Variants in ABHD15 observed in about 807,000 individuals in gnomAD.
ABHD15 encodes the protein abhydrolase domain containing 15.
ABHD15 carries 34 observed loss-of-function variants against 34.4 expected under a neutral mutation model. The ratio of observed to expected loss-of-function variants is 0.99; its 90% confidence interval spans 0.75 to 1.32. The LOEUF (loss-of-function observed/expected upper bound fraction) is 1.32. Among genes scored for constraint, ABHD15 ranks in the 40% most tolerant of loss-of-function variants. The pLI is 0.00. For missense variants in ABHD15, 644 were observed against 650.4 expected, an observed-to-expected ratio of 0.99 and a Z score of 0.11; for synonymous variants, 314 against 299.2, an observed-to-expected ratio of 1.05 and a Z score of -0.51.
Position 29,566,890 on chromosome 17 carries a change from C to A in ABHD15, c.77G>T (p.Arg26Leu), listed in dbSNP as rs1371885510. 6.0e-6 allele frequency: 9 copies of A among 1,493,892 alleles called. No individual in the cohort carries two copies. The African/African-American group carries it at 1.3e-4, about 22-fold the overall frequency. The allele number at this position is 1,493,892 out of a possible 1,614,324, so 92.5% of individuals were successfully genotyped here. The change falls in exon 1 of 2, where the codon CGG (arginine) becomes CTG (leucine). Residue 26 changes from arginine to leucine, a missense_variant. Arg to Leu is a moderately radical substitution (Grantham distance 102, BLOSUM62 -2). Transcript: ENST00000307201. The part of the protein sequence containing the change: ...ALLGLLGPRL[R>L]GPWGRAVGER... ...TCCGACGGCGCGCCCCCAGGGTCCC[C>A]GGAGCCGCGGGCCGAGCAGGCCGAG...
rs115071434 is a variant in ABHD15, at chr17:29,565,791, G to A, written c.881+295C>T. Among the ~76,000 whole-genome samples, 871 of 152,346 alleles carry A rather than the reference G, an allele frequency of 5.7e-3. 8 individuals are homozygous for A. Among genetic ancestry groups the A allele is most frequent in the African/African-American group, 0.02 (819 of 41,568 alleles). Reference sequence around the variant, plus strand: ...AATGTCAGGTATCTCTGCTGTCGTGGGCCAGGTGCTCAGATTGCTAGGATA... The same window carrying A: ...AATGTCAGGTATCTCTGCTGTCGTGAGCCAGGTGCTCAGATTGCTAGGATA... On this transcript the variant is annotated intron_variant, in intron 1 of 1. Transcript: ENST00000307201.
rs2032640967 is a variant in ABHD15, at chr17:29,562,596, C to T, written c.1372G>A (p.Glu458Lys). The change falls in exon 2 of 2, where the codon GAG becomes AAG. Residue 458 changes from glutamate (E) to lysine (K), a missense_variant. Coordinates refer to ENST00000307201, the MANE Select transcript of ABHD15 (RefSeq NM_198147.3). ...TATGATCGCTTCCAGTTAAAGATCT[C>T]CTCCAGGTTGGAAGAGGAAGAGACT... ...REVSSSSNLE[E>K]IFNWKRSYTR 6.2e-7 allele frequency: 1 copy of T among 1,613,884 alleles called. No individual in the cohort carries two copies. Among genetic ancestry groups the T allele is most frequent in the African/African-American group, 1.3e-5 (1 of 75,024 alleles).
In ABHD15 at chr17:29,566,413, C is replaced by T; in HGVS notation, c.554G>A (p.Gly185Asp). 3 of 1,611,930 alleles carry T rather than the reference C, an allele frequency of 1.9e-6. No individual in the cohort carries two copies. The highest frequency in any genetic ancestry group is 1.7e-6 in the Non-Finnish European group (2 of 1,179,372). Reference sequence around the variant, plus strand: ...GCGATGGAAGATGACCGGGTAGTAGCCGCGCTCCAGGGCGAGCAAGCAAAG... The same window carrying T: ...GCGATGGAAGATGACCGGGTAGTAGTCGCGCTCCAGGGCGAGCAAGCAAAG... ...LGLCLLALER[G>D]YYPVIFHRRG... Residue 185 changes from glycine (G) to aspartate (D), a missense_variant, in exon 1 of 2, where the codon GGC (glycine) becomes GAC (aspartate). Coordinates refer to ENST00000307201, the MANE Select transcript of ABHD15 (RefSeq NM_198147.3).
Position 29,563,081 on chromosome 17 carries a change from G to A in ABHD15, c.887C>T (p.Ala296Val), listed in dbSNP as rs960885801. ...LHQKIALSRY[A>V]TALEDTVDTS... ...GTCCACAGTGTCCTCCAGGGCTGTG[G>A]CATACCTGGCAGCGAGGTGTTTAGT... The change falls in exon 2 of 2, where the codon GCC becomes GTC. Residue 296 changes from alanine (A) to valine (V), a missense_variant. Ala to Val is a moderately conservative substitution (Grantham distance 64, BLOSUM62 0). Transcript: ENST00000307201. 1 of 1,598,752 alleles carries A rather than the reference G, an allele frequency of 6.3e-7. No individual in the cohort carries two copies. The highest frequency in any genetic ancestry group is 8.5e-7 in the Non-Finnish European group (1 of 1,175,710).
rs1284109857 is a variant in ABHD15, at chr17:29,562,593, TCTC to T, written c.1372_1374del (p.Glu458del). 7 of 1,613,542 alleles carry T rather than the reference TCTC, an allele frequency of 4.3e-6. No individual in the cohort carries two copies. Among genetic ancestry groups the T allele is most frequent in the African/African-American group, 1.3e-5 (1 of 74,826 alleles). Reference sequence around the variant, plus strand: ...GTGTATGATCGCTTCCAGTTAAAGATCTCCTCCAGGTTGGAAGAGGAAGAGACT... The same window carrying T: ...GTGTATGATCGCTTCCAGTTAAAGATCTCCAGGTTGGAAGAGGAAGAGACT... On this transcript the variant is annotated inframe_deletion, in exon 2 of 2. Transcript: ENST00000307201.
Position 29,566,739 on chromosome 17 carries a change from C to T in ABHD15, c.228G>A (p.Pro76=). 1 of 1,558,844 alleles carries T rather than the reference C, an allele frequency of 6.4e-7. No homozygotes were observed. Among genetic ancestry groups the T allele is most frequent in the Non-Finnish European group, 8.6e-7 (1 of 1,159,418 alleles). The part of the protein sequence containing the change: ...LPGGCSLVCK[P]SALAQCLLRA... Reference sequence around the variant, plus strand: ...GCAGCAGGCACTGGGCCAGGGCCGACGGCTTGCAAACAAGGCTGCACCCTC... The same window carrying T: ...GCAGCAGGCACTGGGCCAGGGCCGATGGCTTGCAAACAAGGCTGCACCCTC... The change falls in exon 1 of 2, where the codon CCG becomes CCA. Residue 76 remains proline, a synonymous_variant. Transcript: ENST00000307201.
chr17:29,564,578 G>T (rs959234673), intron 1 of ABHD15, among the ~76,000 whole-genome samples: 2 of 152,206 alleles, frequency 1.3e-5, no homozygotes, highest in Non-Finnish European at 2.9e-5. Flanking sequence ...CTCTGACCAG[G>T]CATAGTGGCT....
At position 29,563,074 on chromosome 17, in the gene ABHD15, G is replaced by A; in HGVS notation, c.894C>T (p.Ala298=). 1 of 1,602,944 alleles carries A rather than the reference G, an allele frequency of 6.2e-7. No individual in the cohort carries two copies. Among genetic ancestry groups the A allele is most frequent in the Non-Finnish European group, 8.5e-7 (1 of 1,177,266 alleles). ...TGCTGGTGTCCACAGTGTCCTCCAG[G>A]GCTGTGGCATACCTGGCAGCGAGGT... ...QKIALSRYAT[A]LEDTVDTSRL... The change falls in exon 2 of 2, where the codon GCC becomes GCT. Residue 298 remains alanine, a synonymous_variant. Transcript: ENST00000307201.
chr17:29,564,304 G>C (rs2032671070), intron 1 of ABHD15, among the ~76,000 whole-genome samples: 1 of 152,234 alleles, frequency 6.6e-6, no homozygotes, highest in Non-Finnish European at 1.5e-5. Flanking sequence ...TGTCACATGA[G>C]TGTGATGTTG....
Position 29,561,779 on chromosome 17 carries a change from T to C in ABHD15, c.*782A>G, listed in dbSNP as rs1020652318. On this transcript the variant is annotated 3_prime_UTR_variant, in exon 2 of 2. Transcript: ENST00000307201. ...ATGGTGCCAGAGGGAGCATGTAGGG[T>C]AGCCAAGATTCTGACTCCTTGAACC... The C allele has an allele frequency of 2.0e-5, 3 of 152,456 alleles. No individual in the cohort carries two copies. Among genetic ancestry groups the C allele is most frequent in the African/African-American group, 4.8e-5 (2 of 41,392 alleles). The allele number at this position is 152,456 out of a possible 1,614,324, so 9.4% of individuals were successfully genotyped here. A position where few individuals can be genotyped will look rare whatever the true frequency, so the allele number is the denominator to read the frequency against.
rs142517096 is a variant in ABHD15 at position 29,563,062 on chromosome 17, A to G, written c.906T>C (p.Thr302=). The G allele has an allele frequency of 1.3e-3, 2,054 of 1,607,780 alleles. 4 individuals carry two copies. Among genetic ancestry groups the G allele is most frequent in the Non-Finnish European group, 1.7e-3 (1,966 of 1,179,714 alleles). The stretch of plus-strand genomic sequence containing the variant: ...TCCTGAACAGTCTGCTGGTGTCCAC[A>G]GTGTCCTCCAGGGCTGTGGCATACC... ...LSRYATALED[T]VDTSRLFRSR... is the part of the protein sequence containing the mutation. Residue 302 remains threonine (T), a synonymous_variant, in exon 2 of 2, where the codon ACT becomes ACC. Coordinates refer to ENST00000307201, the MANE Select transcript of ABHD15 (RefSeq NM_198147.3).
rs544029562 is a variant in ABHD15 at position 29,561,094 on chromosome 17, G to C, written c.*1467C>G. ...GAACAAGATCTAGAATCTGGGGCAA[G>C]ATTATCCAAACCTGAAATCAAGGCC... On this transcript the variant is annotated 3_prime_UTR_variant, in exon 2 of 2. Coordinates refer to ENST00000307201, the MANE Select transcript of ABHD15 (RefSeq NM_198147.3). The C allele has an allele frequency of 1.8e-4, 28 of 152,314 alleles. No homozygotes were observed. Among genetic ancestry groups the C allele is most frequent in the Admixed American group, 1.3e-3 (20 of 15,294 alleles). 9.4% of individuals were successfully genotyped at this position (152,314 alleles called of 1,614,324 possible).
chr17:29,562,934 A>G lies in ABHD15; in HGVS notation c.1034T>C (p.Val345Ala). ...CAGCACAGGCACGGCTGCCTCATCG[A>G]CATCCCGGAGCGGGTCGTTGCGGTC... ...YWDRNDPLRD[V>A]DEAAVPVLCI... is the part of the protein sequence containing the mutation. The change falls in exon 2 of 2, where the codon GTC (valine) becomes GCC (alanine). Residue 345 changes from valine to alanine, a missense_variant. By Grantham distance (64) the Val-to-Ala change is moderately conservative. Transcript: ENST00000307201. The G allele has an allele frequency of 6.2e-7, 1 of 1,614,100 alleles. No homozygotes were observed. The highest frequency in any genetic ancestry group is 8.5e-7 in the Non-Finnish European group (1 of 1,180,038).
chr17:29,560,625 C>CGT lies in ABHD15; in HGVS notation c.*1935_*1936insAC, dbSNP rs2032616619. ...GATGAGGAATATGGAGGAGGAGAAA[C>CGT]AAGAAGTGGGGAGAAGGGAGATAAT... is the stretch of plus-strand genomic sequence containing the variant. On this transcript the variant is annotated 3_prime_UTR_variant, in exon 2 of 2. Transcript: ENST00000307201. 6.6e-6 allele frequency: 1 copy of CGT among 151,778 alleles called. No individual in the cohort carries two copies. The highest frequency in any genetic ancestry group is 1.9e-4 in the East Asian group (1 of 5,190). The allele number at this position is 151,778 out of a possible 1,614,324, so 9.4% of individuals were successfully genotyped here.
Position 29,562,424 on chromosome 17 carries a change from C to T in ABHD15, c.*137G>A. The T allele has an allele frequency of 1.0e-6, 1 of 998,806 alleles. No homozygotes were observed. Among genetic ancestry groups the T allele is most frequent in the Non-Finnish European group, 1.5e-6 (1 of 686,592 alleles). 61.9% of individuals were successfully genotyped at this position (998,806 alleles called of 1,614,324 possible). A position where few individuals can be genotyped will look rare whatever the true frequency, so the allele number is the denominator to read the frequency against. ...GGACGTTCCTTCTCTTTCAAGGCAC[C>T]AATTTAAGAGAGAGGGACTGAATGA... On this transcript the variant is annotated 3_prime_UTR_variant, in exon 2 of 2. Transcript: ENST00000307201.
chr17:29,562,389 C>A lies in ABHD15; in HGVS notation c.*172G>T. 1.4e-6 allele frequency: 1 copy of A among 699,830 alleles called. No individual in the cohort carries two copies. Among genetic ancestry groups the A allele is most frequent in the Non-Finnish European group, 2.3e-6 (1 of 427,342 alleles). The allele number at this position is 699,830 out of a possible 1,614,324, so 43.4% of individuals were successfully genotyped here. ...AGTTCTGCTGAGGATGAAGTGAGTG[C>A]AGGCTCGCAGGACGTTCCTTCTCTT... On this transcript the variant is annotated 3_prime_UTR_variant, in exon 2 of 2. Coordinates refer to ENST00000307201, the MANE Select transcript of ABHD15 (RefSeq NM_198147.3).
At chr17:29,564,464 G>A (rs2032672877) in intron 1 of ABHD15, among the ~76,000 whole-genome samples, 1 of 152,174 alleles carries the variant, frequency 6.6e-6, no homozygotes, top group Admixed American at 6.5e-5. Flanking sequence ...GCTGTTTCTA[G>A]ACCCCTGGAG....
intron 1 of ABHD15, 134 bp downstream of exon 1, chr17:29,565,952 T>C: frequency 8.1e-7 from 1 of 1,238,734 alleles, no homozygotes; most frequent in Non-Finnish European, 1.1e-6. Context: ...TTGGAAGGCT[T>C]TGGAAGATGT....
rs1437069406 is a variant in ABHD15 at position 29,561,309 on chromosome 17, A to T, written c.*1252T>A. 1.3e-5 allele frequency: 2 copies of T among 152,232 alleles called. No individual in the cohort carries two copies. The highest frequency in any genetic ancestry group is 2.1e-4 in the South Asian group (1 of 4,838). 9.4% of individuals were successfully genotyped at this position (152,232 alleles called of 1,614,324 possible). ...AAACATATGTCCTGTTGCCAAAAAA[A>T]TTTTAATTGCCTAATCCAAACCAGA... is the stretch of plus-strand genomic sequence containing the variant. On this transcript the variant is annotated 3_prime_UTR_variant, in exon 2 of 2. Transcript: ENST00000307201.
Sources: gnomAD v4.1 joint callset for allele counts (sites outside exome capture counted in the v4.1 genomes callset) on GRCh38, gnomAD v4.1.1 for gene constraint, MANE v1.5 for transcripts, NCBI Gene and HGNC (gene_info 2026-07-23, HGNC 2026-07-21) for gene names.